Variants in PID1 observed in about 807,000 individuals in gnomAD.
PID1 encodes PTB-containing, cubilin and LRP1-interacting protein.
In PID1, 10 loss-of-function variants were observed where a neutral mutation model predicts 19.1. The ratio of observed to expected loss-of-function variants is 0.52; its 90% CI spans 0.32 to 0.89. The LOEUF (loss-of-function observed/expected upper bound fraction) is 0.89. Among genes scored for constraint, PID1 ranks in the 40% least tolerant of loss-of-function variants. PID1 has a pLI of 0.03. For synonymous variants in PID1, 130 were observed against 116.0 expected, an observed-to-expected ratio of 1.12 and a Z score of -0.78; for missense variants, 248 against 285.3, an observed-to-expected ratio of 0.87 and a Z score of 0.94.
At chr2:229,158,925 G>T (rs1690436808) in intron 1 of PID1, among the ~76,000 whole-genome samples, 1 of 152,038 alleles carries the variant, frequency 6.6e-6, no homozygotes, top group Non-Finnish European at 1.5e-5. Flanking sequence ...GTTACCAGAG[G>T]CTGTGAAGGG....
chr2:229,071,255 C>T (rs1694445501), intron 2 of PID1, among the ~76,000 whole-genome samples: 1 of 152,200 alleles, frequency 6.6e-6, no homozygotes, highest in Non-Finnish European at 1.5e-5. Flanking sequence ...ACAATTCCCA[C>T]CTGCCACAGT....
At chr2:229,170,499 A>G (rs1467086437) in intron 1 of PID1, among the ~76,000 whole-genome samples, 3 of 152,202 alleles carry the variant, frequency 2.0e-5, no homozygotes, top group African/African-American at 7.2e-5. Context: ...TGCCATTTAA[A>G]TATAGACAAC....
At chr2:229,131,643 C>T (rs1021812923) in intron 2 of PID1, among the ~76,000 whole-genome samples, 7 of 152,164 alleles carry the variant, frequency 4.6e-5, no homozygotes, top group Admixed American at 2.6e-4. Context: ...ATAGCTTAGG[C>T]AAAATGTCCA....
chr2:229,043,299 C>T (rs532083001), intron 2 of PID1, among the ~76,000 whole-genome samples: 3 of 142,876 alleles, frequency 2.1e-5, no homozygotes, highest in African/African-American at 7.7e-5. Context: ...AGCCACCATG[C>T]CTAGCTGAGA....
intron 1 of PID1, among the ~76,000 whole-genome samples, chr2:229,215,778 A>G (rs1375123040): frequency 6.6e-6 from 1 of 152,250 alleles, no homozygotes; most frequent in Non-Finnish European, 1.5e-5. Flanking sequence ...TAAAGTAAAT[A>G]AAAGAATTAA....
chr2:229,221,782 A>C (rs1691974948), intron 1 of PID1, among the ~76,000 whole-genome samples: 1 of 152,176 alleles, frequency 6.6e-6, no homozygotes, highest in Non-Finnish European at 1.5e-5. Flanking sequence ...AGTAAACTCA[A>C]CACGGAACCT....
intron 1 of PID1, among the ~76,000 whole-genome samples, chr2:229,193,495 C>G (rs1216418754): frequency 1.3e-5 from 2 of 152,164 alleles, no homozygotes; most frequent in Non-Finnish European, 2.9e-5. Context: ...TGGAGTTAAA[C>G]TCCATCTCCA....
intron 2 of PID1, among the ~76,000 whole-genome samples, chr2:229,045,940 ACT>A (rs1389811309): frequency 2.6e-5 from 4 of 152,112 alleles, no homozygotes; most frequent in Non-Finnish European, 5.9e-5. Context: ...GCTGAGGCTC[ACT>A]CTGTGACAGG....
At chr2:229,241,830 T>C (rs553971315) in intron 1 of PID1, among the ~76,000 whole-genome samples, 4 of 152,246 alleles carry the variant, frequency 2.6e-5, no homozygotes, top group Non-Finnish European at 4.4e-5. Flanking sequence ...AACTCACATA[T>C]AACAAAATGC....
chr2:229,218,646 T>G (rs992056536), intron 1 of PID1, among the ~76,000 whole-genome samples: 3 of 152,162 alleles, frequency 2.0e-5, no homozygotes, highest in South Asian at 4.1e-4. Context: ...AGAAAGTGCA[T>G]GAGCTCAGTC....
chr2:229,212,334 C>T (rs1691755651), intron 1 of PID1, among the ~76,000 whole-genome samples: 2 of 152,158 alleles, frequency 1.3e-5, no homozygotes, highest in Admixed American at 6.5e-5. Context: ...AAATTCATCA[C>T]AGAGAGATGT....
chr2:229,166,600 G>T (rs1020619860), intron 1 of PID1, among the ~76,000 whole-genome samples: 9 of 152,150 alleles, frequency 5.9e-5, no homozygotes, highest in Non-Finnish European at 1.3e-4. Flanking sequence ...CTTCCTAAGA[G>T]ATTCCCAAGT....
At position 229,258,585 on chromosome 2, in the gene PID1, GATA is replaced by G. The variant is rs562961052; in HGVS notation, c.30+12426_30+12428del. 4.3e-4 allele frequency among the ~76,000 whole-genome samples: 66 copies of G among 152,296 alleles called. No individual in the cohort carries two copies. In the East Asian group the frequency reaches 5.2e-3, roughly 12 times the overall value. On this transcript the variant is annotated intron_variant, in intron 1 of 2. Transcript: ENST00000392055. ...CAGCTCTGTATAGATATAGTTGACA[GATA>G]ATAAGCTGCACAATTTGATTTGTTT...
intron 2 of PID1, among the ~76,000 whole-genome samples, chr2:229,053,259 TAGAGA>T (rs540894373): frequency 4.4e-4 from 67 of 152,302 alleles, no homozygotes; most frequent in African/African-American, 1.6e-3. Context: ...GTTTCTCGAT[TAGAGA>T]AAACAGTTTC....
At chr2:229,179,881 G>A (rs570329056) in intron 1 of PID1, among the ~76,000 whole-genome samples, 3 of 152,198 alleles carry the variant, frequency 2.0e-5, no homozygotes, top group South Asian at 2.1e-4. Context: ...TTGGCCACAC[G>A]GACCTCTGCT....
At chr2:229,230,892 T>C (rs2106266780) in intron 1 of PID1, among the ~76,000 whole-genome samples, 1 of 152,328 alleles carries the variant, frequency 6.6e-6, no homozygotes, top group South Asian at 2.1e-4. Context: ...AATATATTAC[T>C]CATTTCTCTT....
chr2:229,106,398 AG>A (rs1339034479), intron 2 of PID1, among the ~76,000 whole-genome samples: 8 of 152,320 alleles, frequency 5.3e-5, no homozygotes, highest in Middle Eastern at 3.4e-3. Flanking sequence ...TGCAAAGAAC[AG>A]GGTATTTGCA....
At chr2:229,129,569 C>G (rs1299074936) in intron 2 of PID1, among the ~76,000 whole-genome samples, 1 of 152,134 alleles carries the variant, frequency 6.6e-6, no homozygotes, top group East Asian at 1.9e-4. Flanking sequence ...AACTGGATAA[C>G]ATATTGGGCT....
rs563583209 is a variant in PID1 at position 229,265,743 on chromosome 2, G to A, written c.30+5271C>T. 6.6e-5 allele frequency among the ~76,000 whole-genome samples: 10 copies of A among 152,312 alleles called. No homozygotes were observed. In the South Asian group the frequency reaches 1.9e-3, roughly 28 times the overall value. On this transcript the variant is annotated intron_variant, in intron 1 of 2. Transcript: ENST00000392055. ...TAAAATACCTTGTAGAAGGCAGCCTGATCTCCAGTACCCTTGAAGCTGTAA... is the reference window on the plus strand; with the variant it reads ...TAAAATACCTTGTAGAAGGCAGCCTAATCTCCAGTACCCTTGAAGCTGTAA...
Sources: allele counts gnomAD v4.1 joint callset (sites outside exome capture counted in the v4.1 genomes callset), GRCh38; gene constraint gnomAD v4.1.1; transcripts MANE v1.5; gene names NCBI Gene and HGNC (gene_info 2026-07-23, HGNC 2026-07-21).